INO80D: variants seen among roughly 807,000 people sequenced by gnomAD.
The protein encoded by INO80D is INO80 complex subunit D.
A neutral mutation model predicts 87.6 loss-of-function variants in INO80D; 21 were observed. That is an observed-to-expected ratio of 0.24 (90% CI 0.17 to 0.35). The LOEUF (loss-of-function observed/expected upper bound fraction) is 0.35. Among genes scored for constraint, INO80D ranks in the 10% least tolerant of loss-of-function variants. The probability of loss-of-function intolerance (pLI) is 1.00; values close to 1 mark genes in which losing one functional copy is unlikely to be tolerated. For missense variants in INO80D, 982 were observed against 1,280.7 expected, an observed-to-expected ratio of 0.77 and a Z score of 3.56; for synonymous variants, 440 against 491.0, an observed-to-expected ratio of 0.90 and a Z score of 1.37.
rs1187703307 is a variant in INO80D, at chr2:206,028,194, A to C, written c.1215T>G (p.Ala405=). 6.2e-7 allele frequency: 1 copy of C among 1,609,516 alleles called. No homozygotes were observed. Among genetic ancestry groups the C allele is most frequent in the African/African-American group, 1.3e-5 (1 of 74,990 alleles). The change falls in exon 6 of 11, where the codon GCT becomes GCG. Residue 405 remains alanine (A), a synonymous_variant. Transcript: ENST00000403263. ...QKKCRHTFRK[A]LLQAASKEPE... ...GTTCTTTACTGGCCGCCTGCAGCAAAGCTTTCCTAAACGTATGCCGGCATT... is the reference window on the plus strand; with the variant it reads ...GTTCTTTACTGGCCGCCTGCAGCAACGCTTTCCTAAACGTATGCCGGCATT...
At chr2:206,027,967 TTAA>T (rs1443384587) in intron 6 of INO80D, 141 bp downstream of exon 6, 11 of 483,184 alleles carry the variant, frequency 2.3e-5, no homozygotes, top group Admixed American at 4.0e-5. Context: ...CTGTAGCACT[TTAA>T]TAAAGCAAGA....
intron 4 of INO80D, 128 bp from the exon 5 acceptor site, chr2:206,046,740 G>A (rs1254693271): frequency 5.0e-6 from 3 of 600,080 alleles, no homozygotes; most frequent in Non-Finnish European, 9.0e-6. Flanking sequence ...GTGAATAAAT[G>A]TCTCCTGATG....
In INO80D at chr2:206,025,542, A is replaced by ATAT. The variant is rs1553616187; in HGVS notation, c.1298+2568_1298+2569insATA. ...AAACTCCATCTCAAAAAAAAAAAAA[A>ATAT]ATATATATATATATATATATATATA... On this transcript the variant is annotated intron_variant, in intron 6 of 10. Transcript: ENST00000403263. 199 of 76,904 alleles carry ATAT rather than the reference A, an allele frequency of 2.6e-3. 1 individual carries two copies. Among genetic ancestry groups the ATAT allele is most frequent in the African/African-American group, 4.4e-3 (100 of 22,924 alleles). 4.8% of individuals were successfully genotyped at this position (76,904 alleles called of 1,614,324 possible). A position where few individuals can be genotyped will look rare whatever the true frequency, so the allele number is the denominator to read the frequency against.
chr2:206,039,825 AAAAG>A (rs1553617937), intron 5 of INO80D, among the ~76,000 whole-genome samples: 1 of 150,594 alleles, frequency 6.6e-6, no homozygotes, highest in African/African-American at 2.4e-5. Flanking sequence ...AAAAAAAAAA[AAAAG>A]AAAGAAAGAA....
chr2:206,027,141 C>A (rs190650495), intron 6 of INO80D, among the ~76,000 whole-genome samples: 1 of 108,926 alleles, frequency 9.2e-6, no homozygotes, highest in African/African-American at 3.1e-5. Flanking sequence ...AATTTACACA[C>A]GCACGCGCGC....
At chr2:206,066,115 C>T (rs1575874998) in intron 1 of INO80D, among the ~76,000 whole-genome samples, 1 of 152,082 alleles carries the variant, frequency 6.6e-6, no homozygotes, top group Admixed American at 6.6e-5. Flanking sequence ...CAAAAATTAG[C>T]TGGGCTTGTT....
chr2:206,042,660 G>A (rs1042424351), intron 5 of INO80D, among the ~76,000 whole-genome samples: 2 of 138,576 alleles, frequency 1.4e-5, no homozygotes, highest in South Asian at 2.6e-4. Flanking sequence ...CAGCTTGTAC[G>A]ACAGAGCGAG....
At chr2:206,016,529 C>T (rs13005627) in intron 8 of INO80D, among the ~76,000 whole-genome samples, 41,890 of 152,042 alleles carry the variant, frequency 0.28, 6,724 homozygotes, top group Non-Finnish European at 0.35. Flanking sequence ...CTGAAATGAG[C>T]TGAGACTTTG....
intron 5 of INO80D, among the ~76,000 whole-genome samples, chr2:206,028,721 T>TA (rs1053540093): frequency 6.6e-6 from 1 of 152,182 alleles, no homozygotes; most frequent in African/African-American, 2.4e-5. Flanking sequence ...CATAATTTCA[T>TA]AAAAGATAGG....
rs963975728 is a variant in INO80D, at chr2:205,997,047, A to G, written c.*7321T>C. 2 of 152,148 alleles carry G rather than the reference A, an allele frequency of 1.3e-5. No homozygotes were observed. The allele number at this position is 152,148 out of a possible 1,614,324, so 9.4% of individuals were successfully genotyped here. A position where few individuals can be genotyped will look rare whatever the true frequency, so the allele number is the denominator to read the frequency against. ...AGATGAAGTAAATGATGCTCAAGAG[A>G]CAACTACAAATTCAGGTATATTATC... is the stretch of plus-strand genomic sequence containing the variant. On this transcript the variant is annotated 3_prime_UTR_variant, in exon 11 of 11. Transcript: ENST00000403263.
Position 206,062,199 on chromosome 2 carries a change from T to C in INO80D, c.218+600A>G, listed in dbSNP as rs184207606. On this transcript the variant is annotated intron_variant, in intron 3 of 10. Coordinates refer to ENST00000403263, the MANE Select transcript of INO80D (RefSeq NM_017759.5). This position sits in a 1 kb window ranked among gnomAD's most constrained non-coding sequence, Gnocchi z 4.6. ...CAAACATACTCTATTTGGAACACTT[T>C]TTAACCAAAAAAGGTAAGGTTATAA... 3.5e-4 allele frequency among the ~76,000 whole-genome samples: 54 copies of C among 152,340 alleles called. No homozygotes were observed. In the East Asian group the frequency reaches 8.1e-3, roughly 23 times the overall value.
intron 7 of INO80D, among the ~76,000 whole-genome samples, chr2:206,018,731 G>A (rs1270424263): frequency 6.6e-6 from 1 of 151,968 alleles, no homozygotes; most frequent in Non-Finnish European, 1.5e-5. Context: ...GGATCAGCCT[G>A]GGCAACAAAA....
chr2:206,032,625 G>A (rs1688797840), intron 5 of INO80D, among the ~76,000 whole-genome samples: 3 of 152,208 alleles, frequency 2.0e-5, no homozygotes, highest in Admixed American at 2.0e-4. Flanking sequence ...GATTTCTCAA[G>A]AGAAACCCTA....
At position 205,994,682 on chromosome 2, in the gene INO80D, A is replaced by G. The variant is rs191851783; in HGVS notation, c.*9686T>C. 1.3e-5 allele frequency: 2 copies of G among 152,272 alleles called. No homozygotes were observed. The highest frequency in any genetic ancestry group is 2.9e-5 in the Non-Finnish European group (2 of 68,016). The allele number at this position is 152,272 out of a possible 1,614,324, so 9.4% of individuals were successfully genotyped here. A position where few individuals can be genotyped will look rare whatever the true frequency, so the allele number is the denominator to read the frequency against. On this transcript the variant is annotated 3_prime_UTR_variant, in exon 11 of 11. Transcript: ENST00000403263. ...AACATCTTACAATTTAGGATTGTCC[A>G]TCTACCTTCCTCTCTCTGCAAGTTC...
chr2:206,039,750 C>T (rs1363320179), intron 5 of INO80D, among the ~76,000 whole-genome samples: 19 of 140,968 alleles, frequency 1.3e-4, no homozygotes, highest in African/African-American at 4.8e-4. Context: ...GTGGAGGTTG[C>T]AGTGAGCCGA....
chr2:206,046,735 T>A (rs1201543366), intron 4 of INO80D, 123 bp from the exon 5 acceptor site: 2 of 620,274 alleles, frequency 3.2e-6, no homozygotes, highest in Admixed American at 5.5e-5. Context: ...ATGGTGTGAA[T>A]AAATGTCTCC....
chr2:206,007,088 T>C (rs1688046397), intron 10 of INO80D, among the ~76,000 whole-genome samples, 196 bp downstream of exon 10: 1 of 152,188 alleles, frequency 6.6e-6, no homozygotes, highest in Admixed American at 6.5e-5. Context: ...CAGCAAATTA[T>C]GAGATGGTTA....
At chr2:206,049,134 C>T (rs1309949335) in intron 4 of INO80D, among the ~76,000 whole-genome samples, 1 of 152,108 alleles carries the variant, frequency 6.6e-6, no homozygotes, top group Admixed American at 6.6e-5. Context: ...TCATGGATTG[C>T]TTCCATAGTT....
At chr2:206,007,578 T>C in intron 9 of INO80D, 137 bp from the exon 10 acceptor site, 5 of 974,538 alleles carry the variant, frequency 5.1e-6, no homozygotes, top group Non-Finnish European at 6.0e-6. Flanking sequence ...TCCCAGCACT[T>C]TGGGAGGCCA....
Sources: gnomAD v4.1 joint callset for allele counts (sites outside exome capture counted in the v4.1 genomes callset) on GRCh38, gnomAD v4.1.1 for gene constraint, Gnocchi (gnomAD v3.1) non-coding constraint, MANE v1.5 for transcripts, NCBI Gene and HGNC (gene_info 2026-07-23, HGNC 2026-07-21) for gene names.